PLSCR4: variants seen among roughly 807,000 people sequenced by gnomAD.
PLSCR4 encodes the protein Ca(2+)-dependent phospholipid scramblase 4.
PLSCR4 carries 25 observed loss-of-function variants against 36.3 expected under a neutral mutation model. The ratio of observed to expected loss-of-function variants is 0.69; its 90% CI spans 0.50 to 0.96. The LOEUF is 0.96. Among genes scored for constraint, PLSCR4 ranks in the 40% least tolerant of loss-of-function variants. The pLI, the probability that PLSCR4 is intolerant of heterozygous loss-of-function variation, is 0.00. For missense variants in PLSCR4, 408 were observed against 414.7 expected (o/e 0.98, Z 0.14); for synonymous variants, 122 against 132.9 (o/e 0.92, Z 0.56).
rs11929274 is a variant in PLSCR4 at position 146,196,855 on chromosome 3, C to T, written c.625-62G>A. ...ATGCATACACATACACTTACACATA[C>T]GCACATACACAATCTAGATGTGTCC... is the stretch of plus-strand genomic sequence containing the variant. On this transcript the variant is annotated intron_variant, in intron 6 of 8. Coordinates refer to ENST00000354952, the MANE Select transcript of PLSCR4 (RefSeq NM_020353.3). The T allele has an allele frequency of 2.2e-3, 3,097 of 1,390,484 alleles. 61 individuals are homozygous for T. In the African/African-American group the frequency reaches 0.036, roughly 16 times the overall value. The allele number at this position is 1,390,484 out of a possible 1,614,324, so 86.1% of individuals were successfully genotyped here.
intron 1 of PLSCR4, among the ~76,000 whole-genome samples, chr3:146,235,850 A>C (rs940320941): frequency 3.3e-5 from 5 of 152,152 alleles, no homozygotes; most frequent in Non-Finnish European, 4.4e-5. Flanking sequence ...GTTCCTTAAC[A>C]AAGCAATTGG....
rs1449187156 is a variant in PLSCR4 at position 146,222,054 on chromosome 3, CA to C, written c.7+10del. The C allele has an allele frequency of 4.0e-6, 5 of 1,259,754 alleles. No individual in the cohort carries two copies. The African/African-American group carries it at 4.7e-5, about 12-fold the overall frequency. 78.0% of individuals were successfully genotyped at this position (1,259,754 alleles called of 1,614,324 possible). A position where few individuals can be genotyped will look rare whatever the true frequency, so the allele number is the denominator to read the frequency against. On this transcript the variant is annotated intron_variant, in intron 2 of 8. Transcript: ENST00000354952. Reference sequence around the variant, plus strand: ...AATAAAGCATATTCAAATTTATTCACAAAAACTTACCTGACATTTTGAAGAA... The same window carrying C: ...AATAAAGCATATTCAAATTTATTCACAAAACTTACCTGACATTTTGAAGAA...
At chr3:146,246,356 T>C (rs2036338716) in intron 1 of PLSCR4, among the ~76,000 whole-genome samples, 1 of 152,058 alleles carries the variant, frequency 6.6e-6, no homozygotes. Context: ...ATTAACATCA[T>C]GACTCCTTCA....
intron 1 of PLSCR4, among the ~76,000 whole-genome samples, chr3:146,234,005 A>T (rs2035818624): frequency 6.6e-6 from 1 of 152,060 alleles, no homozygotes; most frequent in Non-Finnish European, 1.5e-5. Context: ...GAACTAAAAA[A>T]CCCAAAAAAC....
intron 3 of PLSCR4, among the ~76,000 whole-genome samples, chr3:146,216,002 G>A (rs59405000): frequency 0.011 from 1,682 of 152,248 alleles, 29 homozygotes; most frequent in African/African-American, 0.038. Flanking sequence ...AGGCCGAGGT[G>A]AGTGGATCAC....
chr3:146,202,364 T>C (rs1259440600), intron 4 of PLSCR4, among the ~76,000 whole-genome samples: 2 of 152,104 alleles, frequency 1.3e-5, no homozygotes, highest in Non-Finnish European at 2.9e-5. Context: ...TATTTTCTTA[T>C]TGAATCTAAA....
At chr3:146,245,314 A>C (rs2036294935) in intron 1 of PLSCR4, among the ~76,000 whole-genome samples, 1 of 152,100 alleles carries the variant, frequency 6.6e-6, no homozygotes, top group South Asian at 2.1e-4. Context: ...TGTAGGAATC[A>C]TAATACATTC....
At chr3:146,250,063 G>C (rs2036485606) in intron 1 of PLSCR4, among the ~76,000 whole-genome samples, 1 of 152,146 alleles carries the variant, frequency 6.6e-6, no homozygotes, top group African/African-American at 2.4e-5. Flanking sequence ...TGCATAAAGT[G>C]ATAATATGTT....
chr3:146,197,021 T>A (rs533271370), intron 6 of PLSCR4, among the ~76,000 whole-genome samples: 91 of 152,166 alleles, frequency 6.0e-4, no homozygotes, highest in Non-Finnish European at 1.2e-3. Context: ...GCAGGCTTAA[T>A]TAGGGCTTGT....
intron 1 of PLSCR4, among the ~76,000 whole-genome samples, chr3:146,226,492 A>C (rs1265427815): frequency 2.6e-5 from 4 of 152,234 alleles, no homozygotes; most frequent in African/African-American, 9.6e-5. Flanking sequence ...CCTATCATCT[A>C]TCTAGCTATC....
chr3:146,246,881 T>C (rs1167879113), intron 1 of PLSCR4, among the ~76,000 whole-genome samples: 20 of 152,142 alleles, frequency 1.3e-4, no homozygotes. Context: ...ATTTACACAA[T>C]ACATTTATAC....
At chr3:146,233,035 A>T (rs1211524786) in intron 1 of PLSCR4, among the ~76,000 whole-genome samples, 2 of 152,112 alleles carry the variant, frequency 1.3e-5, no homozygotes, top group Admixed American at 6.6e-5. Flanking sequence ...GTTTACATAC[A>T]TCAATTTCTT....
intron 3 of PLSCR4, among the ~76,000 whole-genome samples, chr3:146,217,445 G>A (rs1250434076): frequency 2.0e-5 from 3 of 152,194 alleles, no homozygotes; most frequent in Non-Finnish European, 2.9e-5. Flanking sequence ...ATAGGATGAA[G>A]ATTATGAAAG....
At chr3:146,245,049 A>G (rs2036287250) in intron 1 of PLSCR4, among the ~76,000 whole-genome samples, 1 of 152,084 alleles carries the variant, frequency 6.6e-6, no homozygotes, top group South Asian at 2.1e-4. Flanking sequence ...GTGGTTCAAG[A>G]CTTCATTGGA....
chr3:146,217,635 C>A (rs941546456), intron 3 of PLSCR4, among the ~76,000 whole-genome samples: 1 of 152,162 alleles, frequency 6.6e-6, no homozygotes, highest in Non-Finnish European at 1.5e-5. Flanking sequence ...ATTTAAGATA[C>A]AACATTGACT....
chr3:146,213,816 C>T (rs2034753966), intron 3 of PLSCR4, among the ~76,000 whole-genome samples: 1 of 152,148 alleles, frequency 6.6e-6, no homozygotes, highest in East Asian at 1.9e-4. Context: ...ATAAATTGTA[C>T]ACACAATTGT....
intron 1 of PLSCR4, among the ~76,000 whole-genome samples, chr3:146,243,599 AC>A (rs1371128867): frequency 3.9e-5 from 6 of 152,200 alleles, no homozygotes; most frequent in African/African-American, 1.4e-4. Context: ...TGATGAGGAC[AC>A]TGTTAAAACT....
Position 146,222,103 on chromosome 3 carries a change from A to T in PLSCR4, c.-21-11T>A, listed in dbSNP as rs774987578. On this transcript the variant is annotated splice_polypyrimidine_tract_variant and intron_variant, in intron 1 of 8. Transcript: ENST00000354952. ...GAATTCCAATTAATCCTGAAAAATAAAAAATGTTAATGCCTTTAAAATACA... is the reference window on the plus strand; with the variant it reads ...GAATTCCAATTAATCCTGAAAAATATAAAATGTTAATGCCTTTAAAATACA... 1.1e-5 allele frequency: 12 copies of T among 1,073,934 alleles called. No individual in the cohort carries two copies. Among genetic ancestry groups the T allele is most frequent in the Non-Finnish European group, 1.4e-5 (11 of 771,154 alleles). The allele number at this position is 1,073,934 out of a possible 1,614,324, so 66.5% of individuals were successfully genotyped here.
chr3:146,220,054 T>C (rs1398246758), intron 3 of PLSCR4, among the ~76,000 whole-genome samples: 1 of 152,190 alleles, frequency 6.6e-6, no homozygotes, highest in Non-Finnish European at 1.5e-5. Context: ...CGCTTAAATA[T>C]GTATTTTAAA....
Sources: gnomAD v4.1 joint callset for allele counts (sites outside exome capture counted in the v4.1 genomes callset) on GRCh38, gnomAD v4.1.1 for gene constraint, MANE v1.5 for transcripts, NCBI Gene and HGNC (gene_info 2026-07-23, HGNC 2026-07-21) for gene names.